TMEM120A: variants seen among roughly 807,000 people sequenced by gnomAD.
TMEM120A encodes ion channel TACAN.
Under a neutral mutation model 54.3 loss-of-function variants are expected in TMEM120A, and 45 were observed. The observed-to-expected ratio is 0.83, with a 90% CI of 0.65 to 1.06. The LOEUF (loss-of-function observed/expected upper bound fraction) is 1.06. TMEM120A is among the 50% of genes least tolerant of loss of function. TMEM120A has a pLI of 0.00. For missense variants in TMEM120A, 424 were observed against 441.7 expected (o/e 0.96, Z 0.36); for synonymous variants, 204 against 178.5 (o/e 1.14, Z -1.14).
rs1230137171 is a variant in TMEM120A at position 75,987,050 on chromosome 7, A to C, written c.*122T>G. 1.2e-6 allele frequency: 1 copy of C among 859,232 alleles called. No homozygotes were observed. The highest frequency in any genetic ancestry group is 1.6e-5 in the South Asian group (1 of 60,910). 53.2% of individuals were successfully genotyped at this position (859,232 alleles called of 1,614,324 possible). On this transcript the variant is annotated 3_prime_UTR_variant, in exon 12 of 12. Transcript: ENST00000493111. Reference sequence around the variant, plus strand: ...TCTTCCTTCAGGGCCCACAGCGCCCATAAAACCCAAGGGAGAATAGAAGAG... The same window carrying C: ...TCTTCCTTCAGGGCCCACAGCGCCCCTAAAACCCAAGGGAGAATAGAAGAG...
rs782333610 is a variant in TMEM120A, at chr7:75,987,932, TG to T, written c.681del (p.Met228CysfsTer64). On this transcript the variant is annotated frameshift_variant, in exon 8 of 12. Coordinates refer to ENST00000493111, the MANE Select transcript of TMEM120A (RefSeq NM_031925.3). LOFTEE classifies it high-confidence loss of function. ...CATCTGGGACACTCACTCTGGTACA[TG>T]GAAAAGGAGAGGAATTGGTTCCGGA... ...QKFRNQFLSFSMYQSFVQFLQ... is the reference protein window; with the variant it reads ...QKFRNQFLSFXMYQSFVQFLQ... 3 of 1,603,464 alleles carry T rather than the reference TG, an allele frequency of 1.9e-6. No individual in the cohort carries two copies.
chr7:75,994,046 C>T (rs961057347), intron 1 of TMEM120A, among the ~76,000 whole-genome samples: 1 of 147,810 alleles, frequency 6.8e-6, no homozygotes, highest in Non-Finnish European at 1.5e-5. Context: ...GCCTCGGCGG[C>T]GCGCGGTATC....
Position 75,994,470 on chromosome 7 carries a change from G to A in TMEM120A, c.81+20C>T, listed in dbSNP as rs1310852103. 2 of 1,551,848 alleles carry A rather than the reference G, an allele frequency of 1.3e-6. No homozygotes were observed. The highest frequency in any genetic ancestry group is 1.7e-6 in the Non-Finnish European group (2 of 1,147,930). ...CGAGACGCGGCTCGGGGGCGACCCG[G>A]CGTCCGCAGCGGCGCTAACCTGGAT... On this transcript the variant is annotated intron_variant, in intron 1 of 11. Transcript: ENST00000493111.
chr7:75,987,902 A>G, intron 8 of TMEM120A, 21 bp downstream of exon 8: 1 of 1,601,156 alleles, frequency 6.2e-7, no homozygotes, highest in Non-Finnish European at 8.5e-7. Context: ...AGGGCTCAGC[A>G]CAGACATCTG....
rs943107954 is a variant in TMEM120A at position 75,990,684 on chromosome 7, G to A, written c.317+1460C>T. Among the ~76,000 whole-genome samples, 102 of 151,932 alleles carry A rather than the reference G, an allele frequency of 6.7e-4. 1 individual carries two copies. The highest frequency in any genetic ancestry group is 1.2e-4 in the Non-Finnish European group (8 of 67,988). On this transcript the variant is annotated intron_variant, in intron 3 of 11. Coordinates refer to ENST00000493111, the MANE Select transcript of TMEM120A (RefSeq NM_031925.3). Reference sequence around the variant, plus strand: ...GTGGATCATGAGGTCAGAAGATCGAGACCAGCCTGACCAACATGGTGAAAC... The same window carrying A: ...GTGGATCATGAGGTCAGAAGATCGAAACCAGCCTGACCAACATGGTGAAAC...
intron 1 of TMEM120A, among the ~76,000 whole-genome samples, chr7:75,994,115 C>G (rs1789959118): frequency 6.6e-6 from 1 of 152,236 alleles, no homozygotes; most frequent in African/African-American, 2.4e-5. Flanking sequence ...GCTGCTCCCC[C>G]GACCTGGGCT....
intron 1 of TMEM120A, among the ~76,000 whole-genome samples, chr7:75,993,773 C>T (rs1028179345): frequency 2.0e-5 from 3 of 152,198 alleles, no homozygotes; most frequent in Non-Finnish European, 4.4e-5. Context: ...CCACAGCCAC[C>T]GCCCTCTTCC....
chr7:75,986,910 A>G lies in TMEM120A; in HGVS notation c.*262T>C. 1 of 588,956 alleles carries G rather than the reference A, an allele frequency of 1.7e-6. No homozygotes were observed. 36.5% of individuals were successfully genotyped at this position (588,956 alleles called of 1,614,324 possible). A position where few individuals can be genotyped will look rare whatever the true frequency, so the allele number is the denominator to read the frequency against. On this transcript the variant is annotated 3_prime_UTR_variant, in exon 12 of 12. Coordinates refer to ENST00000493111, the MANE Select transcript of TMEM120A (RefSeq NM_031925.3). ...GACCTCCACCTGCATCAACTTAACT[A>G]ACTCAGACCCCAGGAACCCATGTGG...
rs1554559982 is a variant in TMEM120A, at chr7:75,987,286, C to T, written c.919-1G>A. 1 of 1,595,260 alleles carries T rather than the reference C, an allele frequency of 6.3e-7. No individual in the cohort carries two copies. The highest frequency in any genetic ancestry group is 8.5e-7 in the Non-Finnish European group (1 of 1,171,848). ...GGAAGGGAAAGCCGCACATAAGCAC[C>T]TGCCGGAGGAATAGGGTGAGGGCTG... On this transcript the variant is annotated splice_acceptor_variant, in intron 11 of 11. Transcript: ENST00000493111. LOFTEE classifies it high-confidence loss of function.
In TMEM120A at chr7:75,987,354, G is replaced by C; in HGVS notation, c.918+6C>G. 6.4e-7 allele frequency: 1 copy of C among 1,560,192 alleles called. No homozygotes were observed. The highest frequency in any genetic ancestry group is 8.7e-7 in the Non-Finnish European group (1 of 1,153,298). On this transcript the variant is annotated splice_donor_region_variant and intron_variant, in intron 11 of 11. Transcript: ENST00000493111. ...CCATCCATCCTGTCCAGGGACCCCG[G>C]CTCACCTGCCACTCCTTGCACTGAG...
rs140919124 is a variant in TMEM120A, at chr7:75,988,501, G to A, written c.393C>T (p.Asp131=). The change falls in exon 5 of 12, where the codon GAC becomes GAT. Residue 131 remains aspartate, a synonymous_variant. Coordinates refer to ENST00000493111, the MANE Select transcript of TMEM120A (RefSeq NM_031925.3). ...GGTAGAGCTTGAACTTCTCATACTCGTCCTTGTAGGCAAACCTGGGGGGCG... is the reference window on the plus strand; with the variant it reads ...GGTAGAGCTTGAACTTCTCATACTCATCCTTGTAGGCAAACCTGGGGGGCG... ...LSKQAKFAYK[D]EYEKFKLYLT... is the part of the protein sequence containing the mutation. 94 of 1,606,934 alleles carry A rather than the reference G, an allele frequency of 5.8e-5. No homozygotes were observed. The highest frequency in any genetic ancestry group is 6.4e-5 in the Non-Finnish European group (76 of 1,178,520).
intron 1 of TMEM120A, among the ~76,000 whole-genome samples, chr7:75,994,111 C>A (rs1789958729): frequency 6.6e-6 from 1 of 152,204 alleles, no homozygotes; most frequent in African/African-American, 2.4e-5. Context: ...AAACGCTGCT[C>A]CCCCGACCTG....
At chr7:75,994,463 C>A (rs368682808) in intron 1 of TMEM120A, 27 bp downstream of exon 1, 25 of 1,547,610 alleles carry the variant, frequency 1.6e-5, no homozygotes, top group Non-Finnish European at 2.1e-5. Flanking sequence ...GGCTCGGGGG[C>A]GACCCGGCGT....
Position 75,986,917 on chromosome 7 carries a change from AC to A in TMEM120A, c.*254del. Reference sequence around the variant, plus strand: ...ACCTGCATCAACTTAACTAACTCAGACCCCAGGAACCCATGTGGTGGGGCCA... The same window carrying A: ...ACCTGCATCAACTTAACTAACTCAGACCCAGGAACCCATGTGGTGGGGCCA... On this transcript the variant is annotated 3_prime_UTR_variant, in exon 12 of 12. Transcript: ENST00000493111. 1.7e-6 allele frequency: 1 copy of A among 591,092 alleles called. No homozygotes were observed. Among genetic ancestry groups the A allele is most frequent in the Admixed American group, 3.1e-5 (1 of 31,926 alleles). 36.6% of individuals were successfully genotyped at this position (591,092 alleles called of 1,614,324 possible). A position where few individuals can be genotyped will look rare whatever the true frequency, so the allele number is the denominator to read the frequency against.
chr7:75,987,654 A>T, intron 9 of TMEM120A, 52 bp from the exon 10 acceptor site: 1 of 1,604,876 alleles, frequency 6.2e-7, no homozygotes, highest in Non-Finnish European at 8.5e-7. Context: ...AGGGGACGCT[A>T]CCACTCAGAC....
chr7:75,988,976 TGGGG>T (rs1230370319), intron 4 of TMEM120A, among the ~76,000 whole-genome samples, 185 bp downstream of exon 4: 1 of 1,276 alleles, frequency 7.8e-4, no homozygotes, highest in East Asian at 0.019. Flanking sequence ...GAAGGCCGGG[TGGGG>T]TGGGGGGTGG....
Position 75,992,412 on chromosome 7 carries a change from A to C in TMEM120A, c.200+27T>G, listed in dbSNP as rs937012205. The C allele has an allele frequency of 2.5e-6, 4 of 1,580,442 alleles. No homozygotes were observed. In the African/African-American group the frequency reaches 4.0e-5, roughly 16 times the overall value. ...AGCCCTCCCACCCCACACTCTGCCC[A>C]TGGCGGGTGGGGTAGGGGATCCTAA... is the stretch of plus-strand genomic sequence containing the variant. On this transcript the variant is annotated intron_variant, in intron 2 of 11. Coordinates refer to ENST00000493111, the MANE Select transcript of TMEM120A (RefSeq NM_031925.3).
At chr7:75,988,596 C>G (rs1789660340) in intron 4 of TMEM120A, 80 bp from the exon 5 acceptor site, 2 of 793,916 alleles carry the variant, frequency 2.5e-6, no homozygotes, top group Middle Eastern at 4.1e-4. Context: ...GCAGCTGAGC[C>G]AAGGGTAGTC....
At chr7:75,987,897 T>C (rs1235693850) in intron 8 of TMEM120A, 26 bp downstream of exon 8, 6 of 1,600,152 alleles carry the variant, frequency 3.7e-6, no homozygotes, top group Non-Finnish European at 5.1e-6. Context: ...CCTCCAGGGC[T>C]CAGCACAGAC....
Sources: gnomAD v4.1 joint callset for allele counts (sites outside exome capture counted in the v4.1 genomes callset) on GRCh38, gnomAD v4.1.1 for gene constraint, MANE v1.5 for transcripts, NCBI Gene and HGNC (gene_info 2026-07-23, HGNC 2026-07-21) for gene names.